Variants in SIPA1L1 observed in about 807,000 individuals in gnomAD.
SIPA1L1 encodes the protein signal induced proliferation associated 1 like 1, also known as signal-induced proliferation-associated 1-like protein 1.
In SIPA1L1, 26 loss-of-function variants were observed where a neutral mutation model predicts 162.7. The observed-to-expected ratio is 0.16, with a 90% CI of 0.12 to 0.22. The LOEUF is 0.22. SIPA1L1 is among the 10% of genes least tolerant of loss of function. The pLI is 1.00. For missense variants in SIPA1L1, 1,874 were observed against 2,241.0 expected (o/e 0.84, Z 3.31); for synonymous variants, 829 against 837.4 (o/e 0.99, Z 0.17).
chr14:71,637,587 A>G (rs1192733058), intron 7 of SIPA1L1, among the ~76,000 whole-genome samples: 1 of 152,034 alleles, frequency 6.6e-6, no homozygotes, highest in African/African-American at 2.4e-5. Context: ...AAAAAAAAGT[A>G]TCCAGGCTTG....
At chr14:71,647,681 G>T (rs2042283356) in intron 7 of SIPA1L1, among the ~76,000 whole-genome samples, 1 of 152,110 alleles carries the variant, frequency 6.6e-6, no homozygotes, top group Non-Finnish European at 1.5e-5. Flanking sequence ...CTGGAATCTG[G>T]CTGTATTAAG....
chr14:71,461,450 T>C (rs1040637800), intron 2 of SIPA1L1, among the ~76,000 whole-genome samples: 2 of 152,188 alleles, frequency 1.3e-5, no homozygotes, highest in Admixed American at 1.3e-4. Flanking sequence ...ATCCACAGAA[T>C]GGGTCATTCC....
At chr14:71,561,143 G>A (rs1356994672) in intron 4 of SIPA1L1, among the ~76,000 whole-genome samples, 1 of 151,960 alleles carries the variant, frequency 6.6e-6, no homozygotes, top group Non-Finnish European at 1.5e-5. Flanking sequence ...CAAAAAACAT[G>A]GGCAATGATC....
intron 2 of SIPA1L1, among the ~76,000 whole-genome samples, chr14:71,454,622 A>G (rs956210188): frequency 1.3e-5 from 2 of 152,220 alleles, no homozygotes; most frequent in Non-Finnish European, 2.9e-5. Context: ...AGAATGGAAT[A>G]GACACTTAGA....
At chr14:71,516,541 C>A (rs1317345334) in intron 3 of SIPA1L1, among the ~76,000 whole-genome samples, 2 of 152,168 alleles carry the variant, frequency 1.3e-5, no homozygotes, top group Admixed American at 1.3e-4. Context: ...CATGTGTCAC[C>A]ATGCTTGGCT....
chr14:71,679,695 G>T (rs2045594562), intron 12 of SIPA1L1, among the ~76,000 whole-genome samples: 1 of 152,178 alleles, frequency 6.6e-6, no homozygotes, highest in Non-Finnish European at 1.5e-5. Flanking sequence ...CCCATCTCAT[G>T]TGCAGAGACA....
intron 2 of SIPA1L1, among the ~76,000 whole-genome samples, chr14:71,341,403 C>T (rs1401151427): frequency 6.6e-6 from 1 of 152,130 alleles, no homozygotes; most frequent in South Asian, 2.1e-4. Context: ...GCCTATTGCC[C>T]TAAAATTATC....
intron 2 of SIPA1L1, among the ~76,000 whole-genome samples, chr14:71,397,673 C>T (rs1187169150): frequency 6.6e-6 from 1 of 152,198 alleles, no homozygotes; most frequent in Non-Finnish European, 1.5e-5. Flanking sequence ...CTTCCAGTGC[C>T]AATGCCTCAG....
intron 2 of SIPA1L1, among the ~76,000 whole-genome samples, chr14:71,427,545 A>G (rs539564746): frequency 2.6e-5 from 4 of 152,206 alleles, no homozygotes; most frequent in African/African-American, 7.2e-5. Flanking sequence ...AACTCTCACA[A>G]TGTATGTGTT....
At chr14:71,469,656 T>C (rs1357702662) in intron 2 of SIPA1L1, among the ~76,000 whole-genome samples, 1 of 152,200 alleles carries the variant, frequency 6.6e-6, no homozygotes, top group Non-Finnish European at 1.5e-5. Flanking sequence ...GTCTGGACTT[T>C]ACTACAGTGT....
intron 17 of SIPA1L1, among the ~76,000 whole-genome samples, chr14:71,713,603 C>T (rs2150061384): frequency 6.6e-6 from 1 of 152,206 alleles, no homozygotes; most frequent in African/African-American, 2.4e-5. Context: ...CATGAATGTG[C>T]TTTTTCTGGT....
At chr14:71,470,465 G>A (rs1168549298) in intron 2 of SIPA1L1, among the ~76,000 whole-genome samples, 1 of 152,166 alleles carries the variant, frequency 6.6e-6, no homozygotes, top group Non-Finnish European at 1.5e-5. Flanking sequence ...CCTGCAGAAT[G>A]ATTTCTTACA....
At chr14:71,366,972 C>T (rs1038722474) in intron 2 of SIPA1L1, among the ~76,000 whole-genome samples, 2 of 152,108 alleles carry the variant, frequency 1.3e-5, no homozygotes, top group African/African-American at 4.8e-5. Flanking sequence ...TCACAGAAAT[C>T]GTCAAATAAC....
intron 15 of SIPA1L1, chr14:71,704,718 C>T: frequency 6.2e-7 from 1 of 1,610,616 alleles, no homozygotes. Context: ...CTGTTGTGCT[C>T]AGCTTACAGT....
chr14:71,401,816 T>G (rs2041692161), intron 2 of SIPA1L1, among the ~76,000 whole-genome samples: 1 of 152,144 alleles, frequency 6.6e-6, no homozygotes, highest in Admixed American at 6.5e-5. Context: ...ATCTTATCAC[T>G]CATAAATATA....
chr14:71,693,605 G>A (rs1427588756), intron 13 of SIPA1L1, among the ~76,000 whole-genome samples: 3 of 152,146 alleles, frequency 2.0e-5, no homozygotes, highest in South Asian at 2.1e-4. Context: ...AACAGGAAGT[G>A]ATGAAAAGAC....
At chr14:71,334,855 A>G (rs990987866) in intron 2 of SIPA1L1, among the ~76,000 whole-genome samples, 4 of 152,150 alleles carry the variant, frequency 2.6e-5, no homozygotes, top group Admixed American at 2.6e-4. Flanking sequence ...TTTGCTTAGG[A>G]TCCACCATGT....
At chr14:71,334,817 G>A (rs2034919919) in intron 2 of SIPA1L1, among the ~76,000 whole-genome samples, 1 of 152,018 alleles carries the variant, frequency 6.6e-6, no homozygotes, top group African/African-American at 2.4e-5. Context: ...AATACATTAA[G>A]TATGTATTTG....
chr14:71,583,612 C>G (rs529208984), intron 4 of SIPA1L1, among the ~76,000 whole-genome samples: 1 of 151,982 alleles, frequency 6.6e-6, no homozygotes. Flanking sequence ...GCCCTTGGCA[C>G]GATGTTGTTT....
Sources: allele counts gnomAD v4.1 joint callset (sites outside exome capture counted in the v4.1 genomes callset), GRCh38; gene constraint gnomAD v4.1.1; transcripts MANE v1.5; gene names NCBI Gene and HGNC (gene_info 2026-07-23, HGNC 2026-07-21).